CAPSL: variants seen among roughly 807,000 people sequenced by gnomAD.
CAPSL encodes calcyphosine like, also known as calcyphosin-like protein.
Under a neutral mutation model 21.3 loss-of-function variants are expected in CAPSL, and 17 were observed. The observed-to-expected ratio is 0.80, with a 90% confidence interval of 0.55 to 1.20. The LOEUF (loss-of-function observed/expected upper bound fraction) is 1.20, where lower values mean the gene tolerates loss of function less well. Ranked by LOEUF, CAPSL falls within the 50% of genes most tolerant of loss-of-function variation. CAPSL has a pLI of 0.00. For missense variants in CAPSL, 289 were observed against 259.3 expected (o/e 1.11, Z -0.79); for synonymous variants, 102 against 89.3 (o/e 1.14, Z -0.80).
At chr5:35,909,014 G>C (rs1334633202) in intron 4 of CAPSL, among the ~76,000 whole-genome samples, 5 of 151,840 alleles carry the variant, frequency 3.3e-5, no homozygotes, top group Non-Finnish European at 7.4e-5. Flanking sequence ...GCTGCTGACT[G>C]TTACTCAAGG....
chr5:35,915,148 A>G (rs149139078), intron 2 of CAPSL, among the ~76,000 whole-genome samples: 3,119 of 152,356 alleles, frequency 0.02, 50 homozygotes, highest in Non-Finnish European at 0.032. Flanking sequence ...CACCCTCCCA[A>G]GACTAAACTA....
intron 1 of CAPSL, among the ~76,000 whole-genome samples, chr5:35,929,089 A>G (rs1482841852): frequency 1.3e-5 from 2 of 152,126 alleles, no homozygotes; most frequent in African/African-American, 2.4e-5. Flanking sequence ...TAGTAAATAC[A>G]GTTGTAACTA....
intron 1 of CAPSL, among the ~76,000 whole-genome samples, chr5:35,934,670 C>T (rs1021527303): frequency 1.3e-5 from 2 of 152,302 alleles, no homozygotes; most frequent in Middle Eastern, 3.4e-3. Context: ...TACAGAAATG[C>T]TTTGATTGAG....
At chr5:35,910,752 A>G (rs1024287477) in intron 2 of CAPSL, among the ~76,000 whole-genome samples, 3 of 152,200 alleles carry the variant, frequency 2.0e-5, no homozygotes, top group Admixed American at 6.5e-5. Context: ...TAATTACATG[A>G]CATTCTGCAA....
chr5:35,904,531 C>T lies in CAPSL; in HGVS notation c.*14G>A, dbSNP rs1760628801. The T allele has an allele frequency of 1.3e-6, 2 of 1,594,896 alleles. No homozygotes were observed. The highest frequency in any genetic ancestry group is 1.7e-6 in the Non-Finnish European group (2 of 1,163,712). On this transcript the variant is annotated 3_prime_UTR_variant, in exon 5 of 5. Transcript: ENST00000651391. Reference sequence around the variant, plus strand: ...CACATGGCTGTCCCAGGGCCTGGTCCCCAGGTCATGTGCTTAAAGCTTCCA... The same window carrying T: ...CACATGGCTGTCCCAGGGCCTGGTCTCCAGGTCATGTGCTTAAAGCTTCCA...
At chr5:35,923,283 C>A (rs1738585720) in intron 1 of CAPSL, among the ~76,000 whole-genome samples, 1 of 152,150 alleles carries the variant, frequency 6.6e-6, no homozygotes, top group Admixed American at 6.5e-5. Flanking sequence ...TGAGATCCAG[C>A]TCCTGGATCT....
chr5:35,934,715 G>A (rs1364938822), intron 1 of CAPSL, among the ~76,000 whole-genome samples: 3 of 152,148 alleles, frequency 2.0e-5, no homozygotes, highest in Non-Finnish European at 4.4e-5. Flanking sequence ...CCCCTTTAAG[G>A]CTATGGGTAA....
chr5:35,919,459 C>T (rs775673807), intron 2 of CAPSL, among the ~76,000 whole-genome samples: 14 of 152,224 alleles, frequency 9.2e-5, no homozygotes, highest in Middle Eastern at 6.8e-3. Context: ...ATAACAAAGT[C>T]ATCTTGATCT....
chr5:35,923,598 C>A (rs766305930), intron 1 of CAPSL, among the ~76,000 whole-genome samples: 1 of 152,192 alleles, frequency 6.6e-6, no homozygotes, highest in Non-Finnish European at 1.5e-5. Flanking sequence ...ATAGATACCA[C>A]AATGTGGACA....
Position 35,910,508 on chromosome 5 carries a change from G to T in CAPSL, c.173C>A (p.Thr58Asn). 1 of 1,609,434 alleles carries T rather than the reference G, an allele frequency of 6.2e-7. No individual in the cohort carries two copies. Among genetic ancestry groups the T allele is most frequent in the Non-Finnish European group, 8.5e-7 (1 of 1,177,250 alleles). The change falls in exon 3 of 5, where the codon ACC (threonine) becomes AAC (asparagine). Residue 58 changes from threonine to asparagine, a missense_variant. Coordinates refer to ENST00000651391, the MANE Select transcript of CAPSL (RefSeq NM_001042625.2). The stretch of plus-strand genomic sequence containing the variant: ...TTTCATAAATTCTTTAAAATCAAGG[G>T]TTCGATTATTATCGTCATCCATAAT... ...FRIMDDDNNR[T>N]LDFKEFMKGL...
At chr5:35,914,802 A>G (rs919977585) in intron 2 of CAPSL, among the ~76,000 whole-genome samples, 8 of 152,384 alleles carry the variant, frequency 5.2e-5, no homozygotes, top group South Asian at 4.1e-4. Flanking sequence ...TAAAAGAACT[A>G]GAGAAGCAAG....
intron 2 of CAPSL, among the ~76,000 whole-genome samples, chr5:35,916,527 T>C (rs966802813): frequency 2.0e-5 from 3 of 152,006 alleles, no homozygotes; most frequent in Non-Finnish European, 2.9e-5. Context: ...TATAGACCAA[T>C]GGAACAGAAC....
intron 1 of CAPSL, among the ~76,000 whole-genome samples, chr5:35,934,408 T>C (rs1738894030): frequency 6.6e-6 from 1 of 152,178 alleles, no homozygotes; most frequent in Admixed American, 6.5e-5. Context: ...CTGAGCTGAA[T>C]ATTGTTTGCC....
intron 2 of CAPSL, among the ~76,000 whole-genome samples, chr5:35,915,648 C>T (rs1738358801): frequency 6.6e-6 from 1 of 152,102 alleles, no homozygotes; most frequent in Non-Finnish European, 1.5e-5. Context: ...AGGCCTTTGA[C>T]AAAATTCAAC....
upstream of CAPSL, chr5:35,938,713 T>G (rs1739018871): frequency 6.6e-6 from 1 of 152,664 alleles, no homozygotes; most frequent in Admixed American, 6.5e-5. Context: ...CTGGGATCAC[T>G]GCTGCAGATT....
intron 1 of CAPSL, among the ~76,000 whole-genome samples, chr5:35,925,112 C>T (rs852242): frequency 0.46 from 70,098 of 152,148 alleles, 16,178 homozygotes; most frequent in South Asian, 0.56. Flanking sequence ...TCTGCACATT[C>T]CCCCGGCCAG....
chr5:35,914,005 T>G (rs1580883507), intron 2 of CAPSL, among the ~76,000 whole-genome samples: 2 of 152,014 alleles, frequency 1.3e-5, no homozygotes, highest in African/African-American at 4.8e-5. Context: ...AATAAAGGGA[T>G]GGAGGAAGAT....
At chr5:35,930,507 C>T (rs1205149116) in intron 1 of CAPSL, among the ~76,000 whole-genome samples, 3 of 152,180 alleles carry the variant, frequency 2.0e-5, no homozygotes, top group Non-Finnish European at 2.9e-5. Context: ...TAAAGAGGCA[C>T]ACAGTCTCAG....
intron 1 of CAPSL, among the ~76,000 whole-genome samples, chr5:35,936,550 T>C (rs1738952583): frequency 6.6e-6 from 1 of 152,224 alleles, no homozygotes; most frequent in African/African-American, 2.4e-5. Flanking sequence ...GCTAACCTGA[T>C]TGCCAACTTC....
Sources: gnomAD v4.1 joint callset for allele counts (sites outside exome capture counted in the v4.1 genomes callset) on GRCh38, gnomAD v4.1.1 for gene constraint, MANE v1.5 for transcripts, NCBI Gene and HGNC (gene_info 2026-07-23, HGNC 2026-07-21) for gene names.